Variants in UBAP1L observed in about 807,000 individuals in gnomAD.
The protein encoded by UBAP1L is ubiquitin-associated protein 1-like.
A neutral mutation model predicts 32.1 loss-of-function variants in UBAP1L; 32 were observed. The observed-to-expected ratio is 1.00, with a 90% CI of 0.75 to 1.34. The LOEUF (loss-of-function observed/expected upper bound fraction) is 1.34, where lower values mean the gene tolerates loss of function less well. UBAP1L is among the 40% of genes most tolerant of loss of function. The probability of loss-of-function intolerance (pLI) is 0.00; values close to 1 mark genes in which losing one functional copy is unlikely to be tolerated. For synonymous variants in UBAP1L, 243 were observed against 250.2 expected (o/e 0.97, Z 0.27); for missense variants, 516 against 540.5 (o/e 0.95, Z 0.45).
intron 1 of UBAP1L, among the ~76,000 whole-genome samples, chr15:65,109,260 G>T (rs1264661299): frequency 1.3e-5 from 2 of 151,560 alleles, no homozygotes; most frequent in African/African-American, 4.8e-5. Context: ...GAGGTGGGCG[G>T]ATCACAAGGT....
intron 1 of UBAP1L, among the ~76,000 whole-genome samples, chr15:65,114,379 C>G (rs967131297): frequency 6.6e-6 from 1 of 152,120 alleles, no homozygotes; most frequent in Non-Finnish European, 1.5e-5. Flanking sequence ...TCAAAGCACT[C>G]AGCATATTTT....
rs1374837208 is a variant in UBAP1L, at chr15:65,102,163, C to A, written c.642G>T (p.Pro214=). 5.4e-5 allele frequency: 64 copies of A among 1,182,008 alleles called. No homozygotes were observed. Among genetic ancestry groups the A allele is most frequent in the Non-Finnish European group, 6.4e-5 (61 of 955,282 alleles). 73.2% of individuals were successfully genotyped at this position (1,182,008 alleles called of 1,614,324 possible). ...PQHPAAPASP[P]RPSTAGAIPP... is the part of the protein sequence containing the mutation. ...GGATGGCGCCTGCCGTGGAGGGCCG[C>A]GGGGGCGACGCGGGGGCGGCGGGGT... is the stretch of plus-strand genomic sequence containing the variant. The change falls in exon 3 of 6, where the codon CCG becomes CCT. Residue 214 remains proline (P), a synonymous_variant. Transcript: ENST00000559089. This position sits in a 1 kb window ranked among gnomAD's most constrained non-coding sequence, Gnocchi z 5.0.
At chr15:65,099,792 C>T (rs568259704) in intron 3 of UBAP1L, 78 bp from the exon 4 acceptor site, 1 of 1,235,670 alleles carries the variant, frequency 8.1e-7, no homozygotes, top group South Asian at 1.5e-5. Context: ...TTAAAAATGC[C>T]TTTATGTACC....
chr15:65,092,994 C>T lies in UBAP1L; in HGVS notation c.*103G>A. On this transcript the variant is annotated 3_prime_UTR_variant, in exon 6 of 6. Transcript: ENST00000559089. ...TATTTGTGTTTTTACAATAAGTATG[C>T]ATCACTTTGTTACTCTTACTTGGTT... 1 of 1,367,354 alleles carries T rather than the reference C, an allele frequency of 7.3e-7. No individual in the cohort carries two copies. The highest frequency in any genetic ancestry group is 9.8e-7 in the Non-Finnish European group (1 of 1,025,314). The allele number at this position is 1,367,354 out of a possible 1,614,324, so 84.7% of individuals were successfully genotyped here.
chr15:65,099,236 T>G (rs1413020687), intron 4 of UBAP1L: 1 of 450,532 alleles, frequency 2.2e-6, no homozygotes, highest in Non-Finnish European at 4.1e-6. Context: ...TTCAGTTGTC[T>G]GCCCCTTCAG....
intron 1 of UBAP1L, among the ~76,000 whole-genome samples, chr15:65,111,337 G>C (rs2087368155): frequency 6.6e-6 from 1 of 152,150 alleles, no homozygotes; most frequent in Admixed American, 6.6e-5. Context: ...CCAAGGAAGG[G>C]ACACAGTTCT....
chr15:65,093,171 T>C lies in UBAP1L; in HGVS notation c.1072A>G (p.Ile358Val). 1.3e-6 allele frequency: 2 copies of C among 1,550,334 alleles called. No individual in the cohort carries two copies. The highest frequency in any genetic ancestry group is 8.7e-7 in the Non-Finnish European group (1 of 1,146,814). Residue 358 changes from isoleucine (I) to valine (V), a missense_variant, in exon 6 of 6, where the codon ATC becomes GTC. Coordinates refer to ENST00000559089, the MANE Select transcript of UBAP1L (RefSeq NM_001163692.2). ...FSDMGFQQDRIKEVLLVHGNR... is the reference protein window; with the variant it reads ...FSDMGFQQDRVKEVLLVHGNR... Reference sequence around the variant, plus strand: ...CCATGGACCAGCAGCACCTCCTTGATCCGGTCCTGCTGGAAGCCCATGTCA... The same window carrying C: ...CCATGGACCAGCAGCACCTCCTTGACCCGGTCCTGCTGGAAGCCCATGTCA...
At chr15:65,099,289 C>G (rs2087211859) in intron 4 of UBAP1L, 2 of 567,466 alleles carry the variant, frequency 3.5e-6, no homozygotes, top group South Asian at 4.3e-5. Flanking sequence ...CAGGTCACCC[C>G]CTTCCCACAT....
In UBAP1L at chr15:65,094,002, G is replaced by A. The variant is rs893743444; in HGVS notation, c.1011+473C>T. Among the ~76,000 whole-genome samples the A allele has an allele frequency of 4.6e-5, 7 of 152,174 alleles. No homozygotes were observed. Among genetic ancestry groups the A allele is most frequent in the African/African-American group, 7.2e-5 (3 of 41,432 alleles). ...GCAGAGGTTGCAGTGAGCCAAGATCGTGCCATTGCACTCCAGCCTGGGCAA... is the reference window on the plus strand; with the variant it reads ...GCAGAGGTTGCAGTGAGCCAAGATCATGCCATTGCACTCCAGCCTGGGCAA... On this transcript the variant is annotated intron_variant, in intron 5 of 5. Coordinates refer to ENST00000559089, the MANE Select transcript of UBAP1L (RefSeq NM_001163692.2). This position sits in a 1 kb window ranked among gnomAD's most constrained non-coding sequence, Gnocchi z 4.2.
At chr15:65,108,896 C>T (rs192883315) in intron 1 of UBAP1L, among the ~76,000 whole-genome samples, 10 of 152,228 alleles carry the variant, frequency 6.6e-5, no homozygotes, top group African/African-American at 2.4e-4. Flanking sequence ...GTGGCTCACA[C>T]CTGTAATCCC....
At position 65,102,139 on chromosome 15, in the gene UBAP1L, G is replaced by A. The variant is rs1432663826; in HGVS notation, c.666C>T (p.Ile222=). Residue 222 remains isoleucine (I), a synonymous_variant, in exon 3 of 6, where the codon ATC becomes ATT. Coordinates refer to ENST00000559089, the MANE Select transcript of UBAP1L (RefSeq NM_001163692.2). The surrounding 1 kb of genome is among the most constrained non-coding windows in gnomAD (Gnocchi z 5.0). ...SPPRPSTAGA[I]PPLRSHKPTV... ...TAGGCTTGTGGCTCCGCAGCGGGGGGATGGCGCCTGCCGTGGAGGGCCGCG... is the reference window on the plus strand; with the variant it reads ...TAGGCTTGTGGCTCCGCAGCGGGGGAATGGCGCCTGCCGTGGAGGGCCGCG... The A allele has an allele frequency of 3.3e-6, 4 of 1,208,288 alleles. No homozygotes were observed. Among genetic ancestry groups the A allele is most frequent in the African/African-American group, 1.6e-5 (1 of 63,288 alleles). 74.8% of individuals were successfully genotyped at this position (1,208,288 alleles called of 1,614,324 possible). A position where few individuals can be genotyped will look rare whatever the true frequency, so the allele number is the denominator to read the frequency against.
chr15:65,097,141 A>G (rs1480791493), intron 4 of UBAP1L: 2 of 152,270 alleles, frequency 1.3e-5, no homozygotes, highest in African/African-American at 2.4e-5. Context: ...TGGCCAGTCT[A>G]TATCTGGAAA....
chr15:65,107,876 C>T (rs576216807), intron 1 of UBAP1L, among the ~76,000 whole-genome samples: 7 of 151,630 alleles, frequency 4.6e-5, no homozygotes, highest in African/African-American at 1.7e-4. Flanking sequence ...AATGGAGGAA[C>T]ATACCACGTT....
At chr15:65,095,195 G>C (rs1457195071) in intron 4 of UBAP1L, 1 of 152,952 alleles carries the variant, frequency 6.5e-6, no homozygotes, top group Non-Finnish European at 1.5e-5. Flanking sequence ...TACCAGGCAG[G>C]GCTCAAAGGC....
chr15:65,099,922 T>C (rs934462669), intron 3 of UBAP1L: 2 of 498,056 alleles, frequency 4.0e-6, no homozygotes, highest in Non-Finnish European at 7.1e-6. Flanking sequence ...CTAAGCTACT[T>C]CACGGGACTA....
At chr15:65,110,903 C>T (rs201439184) in intron 1 of UBAP1L, among the ~76,000 whole-genome samples, 1 of 152,102 alleles carries the variant, frequency 6.6e-6, no homozygotes, top group Non-Finnish European at 1.5e-5. Flanking sequence ...AAGCTCTGCC[C>T]TGCTAGGGGT....
intron 1 of UBAP1L, among the ~76,000 whole-genome samples, chr15:65,109,927 A>T (rs2087356857): frequency 6.6e-6 from 1 of 152,100 alleles, no homozygotes; most frequent in Admixed American, 6.6e-5. Context: ...AGAATTAAGA[A>T]CTCATTCACA....
chr15:65,093,766 G>A (rs545330371), intron 5 of UBAP1L, among the ~76,000 whole-genome samples: 107 of 152,324 alleles, frequency 7.0e-4, no homozygotes, highest in African/African-American at 2.4e-3. Context: ...TACTGGGGCC[G>A]GGTGCGGTGG....
intron 2 of UBAP1L, chr15:65,104,886 AATCC>A (rs2087287359): frequency 2.5e-6 from 1 of 395,476 alleles, no homozygotes; most frequent in Admixed American, 3.1e-5. Context: ...GCATGCCTGT[AATCC>A]CAGCTACTCG....
Sources: allele counts gnomAD v4.1 joint callset (sites outside exome capture counted in the v4.1 genomes callset), GRCh38; gene constraint gnomAD v4.1.1; non-coding constraint Gnocchi (gnomAD v3.1); transcripts MANE v1.5; gene names NCBI Gene and HGNC (gene_info 2026-07-23, HGNC 2026-07-21).